MDM2: variants seen among roughly 807,000 people sequenced by gnomAD.
The protein encoded by MDM2 is MDM2 proto-oncogene, also known as E3 ubiquitin-protein ligase Mdm2.
MDM2 carries 11 observed loss-of-function variants against 64.3 expected under a neutral mutation model. The ratio of observed to expected loss-of-function variants is 0.17; its 90% CI spans 0.11 to 0.28. The LOEUF (loss-of-function observed/expected upper bound fraction) is 0.28, where lower values mean the gene tolerates loss of function less well. MDM2 is among the 10% of genes least tolerant of loss of function. The probability of loss-of-function intolerance (pLI) is 1.00; values close to 1 mark genes in which losing one functional copy is unlikely to be tolerated. For synonymous variants in MDM2, 194 were observed against 192.9 expected (o/e 1.01, Z -0.05); for missense variants, 388 against 577.1 (o/e 0.67, Z 3.36).
rs1031455675 is a variant in MDM2, at chr12:68,845,402, C to T, written c.*5553C>T. The T allele has an allele frequency of 3.8e-5, 8 of 208,372 alleles. No homozygotes were observed. The highest frequency in any genetic ancestry group is 2.4e-4 in the Admixed American group (4 of 16,868). The allele number at this position is 208,372 out of a possible 1,614,324, so 12.9% of individuals were successfully genotyped here. ...ACAAATTATAAAATGAGCTAACAAA[C>T]GAAAGGCAAAATAAAACCGTAAAGC... On this transcript the variant is annotated 3_prime_UTR_variant, in exon 11 of 11. Coordinates refer to ENST00000258149, the MANE Select transcript of MDM2 (RefSeq NM_002392.6).
At chr12:68,813,088 AC>A (rs1881050593) in intron 2 of MDM2, among the ~76,000 whole-genome samples, 1 of 152,194 alleles carries the variant, frequency 6.6e-6, no homozygotes, top group African/African-American at 2.4e-5. Flanking sequence ...TAGTTGAGGG[AC>A]CTGGGTTGTT....
chr12:68,835,341 C>T (rs1207282497), intron 8 of MDM2, among the ~76,000 whole-genome samples: 3 of 152,148 alleles, frequency 2.0e-5, no homozygotes, highest in Non-Finnish European at 4.4e-5. Context: ...TGAAATTATT[C>T]TAGTTAGAGG....
intron 4 of MDM2, 44 bp downstream of exon 4, chr12:68,816,989 A>T (rs748549508): frequency 6.3e-7 from 1 of 1,599,572 alleles, no homozygotes. Flanking sequence ...ATCTGGGCTA[A>T]CATTTCAGTT....
At position 68,839,981 on chromosome 12, in the gene MDM2, A is replaced by G. The variant is rs1416180562; in HGVS notation, c.*132A>G. 4 of 811,522 alleles carry G rather than the reference A, an allele frequency of 4.9e-6. No homozygotes were observed. In the African/African-American group the frequency reaches 7.0e-5, roughly 14 times the overall value. The allele number at this position is 811,522 out of a possible 1,614,324, so 50.3% of individuals were successfully genotyped here. On this transcript the variant is annotated 3_prime_UTR_variant, in exon 11 of 11. Coordinates refer to ENST00000258149, the MANE Select transcript of MDM2 (RefSeq NM_002392.6). ...ACATAGATTTCTTCTCTTTAGTATA[A>G]TTGACCTACTTTGGTAGTGGAATAG...
At chr12:68,819,952 G>A (rs1881709974) in intron 4 of MDM2, among the ~76,000 whole-genome samples, 1 of 152,106 alleles carries the variant, frequency 6.6e-6, no homozygotes, top group Admixed American at 6.6e-5. Flanking sequence ...TTTTTTGGCA[G>A]TTTGCTACTA....
rs150953397 is a variant in MDM2, at chr12:68,837,061, C to G, written c.918+312C>G. ...CTCCACCTCCCAGGTTCAAGTGATT[C>G]TCGTGCCTCAGTCTCCTGAGTAGCT... On this transcript the variant is annotated intron_variant, in intron 10 of 10. Transcript: ENST00000258149. Among the ~76,000 whole-genome samples, 834 of 150,854 alleles carry G rather than the reference C, an allele frequency of 5.5e-3. 6 individuals are homozygous for G. Among genetic ancestry groups the G allele is most frequent in the African/African-American group, 0.019 (784 of 41,076 alleles).
chr12:68,840,124 T>A lies in MDM2; in HGVS notation c.*275T>A, dbSNP rs1370647297. 5.3e-6 allele frequency: 2 copies of A among 379,022 alleles called. No homozygotes were observed. Among genetic ancestry groups the A allele is most frequent in the Admixed American group, 8.6e-5 (2 of 23,288 alleles). The allele number at this position is 379,022 out of a possible 1,614,324, so 23.5% of individuals were successfully genotyped here. ...GTACTTGGTTTTTTTTTTTCTTAAA[T>A]ATGTATATGACATTTAAATGTAACT... On this transcript the variant is annotated 3_prime_UTR_variant, in exon 11 of 11. Transcript: ENST00000258149.
intron 10 of MDM2, 40 bp from the exon 11 acceptor site, chr12:68,839,234 A>G (rs2136176783): frequency 6.4e-7 from 1 of 1,574,346 alleles, no homozygotes; most frequent in South Asian, 1.2e-5. Flanking sequence ...GAGCAGTTAA[A>G]GGGTTACAGA....
chr12:68,838,632 T>G (rs1883494276), intron 10 of MDM2, among the ~76,000 whole-genome samples: 1 of 152,144 alleles, frequency 6.6e-6, no homozygotes, highest in Non-Finnish European at 1.5e-5. Context: ...AGGAGGCAGG[T>G]TTCATCTAGA....
In MDM2 at chr12:68,817,087, A is replaced by G. The variant is rs919633977; in HGVS notation, c.308+142A>G. 4 of 901,866 alleles carry G rather than the reference A, an allele frequency of 4.4e-6. 1 individual carries two copies. Among genetic ancestry groups the G allele is most frequent in the Non-Finnish European group, 4.8e-6 (3 of 627,392 alleles). The allele number at this position is 901,866 out of a possible 1,614,324, so 55.9% of individuals were successfully genotyped here. A position where few individuals can be genotyped will look rare whatever the true frequency, so the allele number is the denominator to read the frequency against. On this transcript the variant is annotated intron_variant, in intron 4 of 10. Transcript: ENST00000258149. ...AAACTTAATTTTTTAGCTCTGCGGC[A>G]TATTATTTGAGAACCTGAGCTCTGG... is the stretch of plus-strand genomic sequence containing the variant.
At position 68,839,902 on chromosome 12, in the gene MDM2, T is replaced by C. The variant is rs777043921; in HGVS notation, c.*53T>C. 1.0e-5 allele frequency: 15 copies of C among 1,484,588 alleles called. No homozygotes were observed. Among genetic ancestry groups the C allele is most frequent in the Non-Finnish European group, 1.4e-5 (15 of 1,095,478 alleles). 92.0% of individuals were successfully genotyped at this position (1,484,588 alleles called of 1,614,324 possible). On this transcript the variant is annotated 3_prime_UTR_variant, in exon 11 of 11. Coordinates refer to ENST00000258149, the MANE Select transcript of MDM2 (RefSeq NM_002392.6). ...TTTCTAACTATATAACCCTAGGAAT[T>C]TAGACAACCTGAAATTTATTCACAT... is the stretch of plus-strand genomic sequence containing the variant.
At chr12:68,846,712 TGAA>T (rs1884320299), downstream of MDM2, 1 of 152,062 alleles carries the variant, frequency 6.6e-6, no homozygotes, top group Admixed American at 6.5e-5. Context: ...TAGAACACTA[TGAA>T]ATGGGTGCTT....
At position 68,840,546 on chromosome 12, in the gene MDM2, C is replaced by G. The variant is rs1404050794; in HGVS notation, c.*697C>G. 1.5e-5 allele frequency: 3 copies of G among 196,592 alleles called. No homozygotes were observed. The highest frequency in any genetic ancestry group is 2.1e-5 in the Non-Finnish European group (2 of 95,110). 12.2% of individuals were successfully genotyped at this position (196,592 alleles called of 1,614,324 possible). A position where few individuals can be genotyped will look rare whatever the true frequency, so the allele number is the denominator to read the frequency against. On this transcript the variant is annotated 3_prime_UTR_variant, in exon 11 of 11. Transcript: ENST00000258149. ...TGTTTGTTTGTTTTGAGATGAGTCT[C>G]TCTGTCGCCCAGGCTGGAGTGCAGT...
chr12:68,835,777 C>T, intron 8 of MDM2, 52 bp from the exon 9 acceptor site: 2 of 1,534,472 alleles, frequency 1.3e-6, no homozygotes, highest in Non-Finnish European at 8.9e-7. Context: ...GAAACAGATA[C>T]AGAGGTCAAG....
At chr12:68,829,309 T>C (rs1882607349) in intron 8 of MDM2, among the ~76,000 whole-genome samples, 1 of 152,154 alleles carries the variant, frequency 6.6e-6, no homozygotes, top group African/African-American at 2.4e-5. Flanking sequence ...AACCAAAAAT[T>C]TGGTTCAGTT....
At chr12:68,825,648 TAAA>T (rs1882252585) in intron 7 of MDM2, among the ~76,000 whole-genome samples, 1 of 148,006 alleles carries the variant, frequency 6.8e-6, no homozygotes, top group Admixed American at 6.6e-5. Flanking sequence ...TGAGACTGTC[TAAA>T]AAAAAGAGAG....
At chr12:68,834,741 TAAATA>T (rs561241178) in intron 8 of MDM2, among the ~76,000 whole-genome samples, 1 of 152,130 alleles carries the variant, frequency 6.6e-6, no homozygotes, top group Non-Finnish European at 1.5e-5. Flanking sequence ...CATCTCAAAA[TAAATA>T]AAATAAGTTA....
chr12:68,824,159 T>C (rs1250212632), intron 5 of MDM2: 1 of 542,276 alleles, frequency 1.8e-6, no homozygotes, highest in African/African-American at 1.9e-5. Flanking sequence ...GATTATACTT[T>C]ACTCTTCTAC....
At chr12:68,813,520 T>A in intron 2 of MDM2, 34 bp from the exon 3 acceptor site, 1 of 1,463,130 alleles carries the variant, frequency 6.8e-7, no homozygotes, top group Non-Finnish European at 9.5e-7. Flanking sequence ...GGGATAATTT[T>A]GGAAGTATAA....
Sources: gnomAD v4.1 joint callset for allele counts (sites outside exome capture counted in the v4.1 genomes callset) on GRCh38, gnomAD v4.1.1 for gene constraint, MANE v1.5 for transcripts, NCBI Gene and HGNC (gene_info 2026-07-23, HGNC 2026-07-21) for gene names.